The following AXIN2 variants were observed in gnomAD, a reference collection of about 807,000 sequenced individuals.
AXIN2 encodes axin 2, also known as axin-2.
In AXIN2, 21 loss-of-function variants were observed where a neutral mutation model predicts 74.7. The observed-to-expected ratio is 0.28, with a 90% CI of 0.20 to 0.40. AXIN2 has a LOEUF of 0.40. AXIN2 is among the 10% of genes least tolerant of loss of function. AXIN2 has a pLI of 1.00. For missense variants in AXIN2, 1,144 were observed against 1,111.1 expected, an observed-to-expected ratio of 1.03 and a Z score of -0.42; for synonymous variants, 532 against 454.9, an observed-to-expected ratio of 1.17 and a Z score of -2.16.
At chr17:65,545,456 G>A (rs1431153498) in intron 3 of AXIN2, among the ~76,000 whole-genome samples, 5 of 152,164 alleles carry the variant, frequency 3.3e-5, no homozygotes, top group South Asian at 4.1e-4. Flanking sequence ...TTAGGAGGCC[G>A]AGGTGGGTGG....
rs2043928974 is a variant in AXIN2 at position 65,536,814 on chromosome 17, T to C, written c.1907+55A>G. The C allele has an allele frequency of 5.6e-6, 9 of 1,608,012 alleles. No individual in the cohort carries two copies. In the South Asian group the frequency reaches 9.9e-5, roughly 18 times the overall value. ...CAAAAACAGCCATTCCCACAATACC[T>C]CCGTACTGAGTGCCCATGACCCTCG... On this transcript the variant is annotated intron_variant, in intron 7 of 10. Coordinates refer to ENST00000307078, the MANE Select transcript of AXIN2 (RefSeq NM_004655.4).
rs748049932 is a variant in AXIN2 at position 65,537,614 on chromosome 17, A to G, written c.1422T>C (p.His474=). 4.4e-6 allele frequency: 7 copies of G among 1,580,574 alleles called. No homozygotes were observed. The highest frequency in any genetic ancestry group is 5.2e-6 in the Non-Finnish European group (6 of 1,160,988). Residue 474 remains histidine, a synonymous_variant, in exon 6 of 11, where the codon CAT becomes CAC. Transcript: ENST00000307078. ...GCGGGAGCAGGGAGTGGTACTGCGA[A>G]TGGTGGTGGTGGTGGTGGTCCGGGG... ...SRSPDHHHHH[H]SQYHSLLPPG...
intron 3 of AXIN2, among the ~76,000 whole-genome samples, chr17:65,545,684 A>C (rs2044108557): frequency 6.6e-6 from 1 of 152,198 alleles, no homozygotes; most frequent in Non-Finnish European, 1.5e-5. Context: ...TCTTCCGAGA[A>C]TGCAGGTTTC....
rs1060502159 is a variant in AXIN2, at chr17:65,558,154, T to C, written c.467A>G (p.Tyr156Cys). Residue 156 changes from tyrosine to cysteine, a missense_variant, in exon 2 of 11, where the codon TAC (tyrosine) becomes TGC (cysteine). Around this residue, in one of 4 missense-constraint regions of AXIN2, gnomAD observed 1,053 missense variants for 973.5 expected, o/e 1.08. Coordinates refer to ENST00000307078, the MANE Select transcript of AXIN2 (RefSeq NM_004655.4). ...SKQLKPATKT[Y>C]IRDGIKKQQI... ...CTGCTTCTTGATGCCATCTCTTATG[T>C]AGGTCTTGGTGGCAGGCTTCAGCTG... 5.0e-6 allele frequency: 8 copies of C among 1,614,106 alleles called. No homozygotes were observed. The highest frequency in any genetic ancestry group is 6.8e-6 in the Non-Finnish European group (8 of 1,180,056).
At position 65,537,653 on chromosome 17, in the gene AXIN2, G is replaced by T. The variant is rs9914661; in HGVS notation, c.1383C>A (p.Ser461Arg). ...GCQSPGVGRY[S>R]PRSRSPDHHH... ...GGTGGTCCGGGGAGCGGGAGCGGGG[G>T]CTATAGCGGCCTACGCCTGGAGACT... Residue 461 changes from serine to arginine, a missense_variant, in exon 6 of 11, where the codon AGC (serine) becomes AGA (arginine). This residue lies in a region of AXIN2 where 1,053 missense variants were observed against 973.5 expected (regional missense o/e 1.08). Coordinates refer to ENST00000307078, the MANE Select transcript of AXIN2 (RefSeq NM_004655.4). 1.3e-6 allele frequency: 2 copies of T among 1,568,740 alleles called. No individual in the cohort carries two copies.
intron 1 of AXIN2, chr17:65,560,113 G>A (rs1274859651): frequency 6.6e-6 from 1 of 152,464 alleles, no homozygotes; most frequent in Middle Eastern, 3.2e-3. Flanking sequence ...GCCCGGGCGG[G>A]GGGTCGGTCC....
In AXIN2 at chr17:65,557,998, G is replaced by A. The variant is rs201531372; in HGVS notation, c.623C>T (p.Ala208Val). The change falls in exon 2 of 11, where the codon GCT (alanine) becomes GTT (valine). Residue 208 changes from alanine to valine, a missense_variant. This residue lies in a region of AXIN2 where 1,053 missense variants were observed against 973.5 expected (regional missense o/e 1.08). Coordinates refer to ENST00000307078, the MANE Select transcript of AXIN2 (RefSeq NM_004655.4). ...CCCGAGTCCCCCATTACTCATGTAAGCTGTGTTTTCTCCCCCACTCCTCAC... is the reference window on the plus strand; with the variant it reads ...CCCGAGTCCCCCATTACTCATGTAAACTGTGTTTTCTCCCCCACTCCTCAC... The part of the protein sequence containing the change: ...EYVRSGGENT[A>V]YMSNGGLGSL... 1.9e-4 allele frequency: 313 copies of A among 1,614,160 alleles called. 2 individuals are homozygous for A. The Middle Eastern group carries it at 3.6e-3, about 19-fold the overall frequency.
chr17:65,533,905 C>T lies in AXIN2; in HGVS notation c.2405+7G>A, dbSNP rs373593841. ...CTGAGAGCAGAAAAAAGCCACAGGACTCTTACCTATAATTTCCCTTTTTGC... is the reference window on the plus strand; with the variant it reads ...CTGAGAGCAGAAAAAAGCCACAGGATTCTTACCTATAATTTCCCTTTTTGC... On this transcript the variant is annotated splice_region_variant and intron_variant, in intron 10 of 10. Transcript: ENST00000307078. 24 of 1,612,206 alleles carry T rather than the reference C, an allele frequency of 1.5e-5. No individual in the cohort carries two copies. Among genetic ancestry groups the T allele is most frequent in the East Asian group, 6.7e-5 (3 of 44,838 alleles).
At chr17:65,532,435 G>A (rs557462915) in intron 10 of AXIN2, among the ~76,000 whole-genome samples, 110 of 152,292 alleles carry the variant, frequency 7.2e-4, no homozygotes, top group African/African-American at 2.6e-3. Context: ...AGCAGCAGCA[G>A]CAGCCAGGCC....
intron 2 of AXIN2, among the ~76,000 whole-genome samples, chr17:65,557,531 T>A (rs1002506273): frequency 8.5e-5 from 13 of 152,192 alleles, no homozygotes; most frequent in African/African-American, 1.2e-4. Context: ...CAACCTCTTC[T>A]GAGACACTAG....
In AXIN2 at chr17:65,529,041, A is replaced by G. The variant is rs2043773539; in HGVS notation, c.*935T>C. The G allele has an allele frequency of 8.4e-6, 2 of 237,456 alleles. No homozygotes were observed. Among genetic ancestry groups the G allele is most frequent in the East Asian group, 1.2e-4 (2 of 16,632 alleles). The allele number at this position is 237,456 out of a possible 1,614,324, so 14.7% of individuals were successfully genotyped here. A position where few individuals can be genotyped will look rare whatever the true frequency, so the allele number is the denominator to read the frequency against. ...TTCATTTCTTTGTGGGGCAGGGGGT[A>G]GTTCCTGAATGGCTGTGGTCCAATG... On this transcript the variant is annotated 3_prime_UTR_variant, in exon 11 of 11. Transcript: ENST00000307078.
chr17:65,543,038 G>A (rs1369189052), intron 3 of AXIN2, among the ~76,000 whole-genome samples: 1 of 152,122 alleles, frequency 6.6e-6, no homozygotes, highest in Non-Finnish European at 1.5e-5. Context: ...GGAACACAAG[G>A]GACAATGAAG....
intron 6 of AXIN2, 84 bp from the exon 7 acceptor site, chr17:65,537,147 G>A (rs1483742877): frequency 3.2e-6 from 5 of 1,560,408 alleles, no homozygotes; most frequent in East Asian, 2.3e-5. Flanking sequence ...CAGCAAGTCG[G>A]GGGGCTGGTG....
At chr17:65,555,739 T>A (rs2044257827) in intron 2 of AXIN2, among the ~76,000 whole-genome samples, 1 of 152,192 alleles carries the variant, frequency 6.6e-6, no homozygotes, top group South Asian at 2.1e-4. Flanking sequence ...CGGGCTGGAA[T>A]GCAAGCCTTT....
At position 65,554,068 on chromosome 17, in the gene AXIN2, A is replaced by ACCTTCAGGGAAAGGAGGTGC. The variant is rs571874877; in HGVS notation, c.815+3718_815+3737dup. ...CCTGCAGGTGGCAGAGACCCCCGGA[A>ACCTTCAGGGAAAGGAGGTGC]CCTTCAGGGAAAGGAGGTGCCGGCT... On this transcript the variant is annotated intron_variant, in intron 2 of 10. Transcript: ENST00000307078. 3.8e-3 allele frequency among the ~76,000 whole-genome samples: 575 copies of ACCTTCAGGGAAAGGAGGTGC among 152,194 alleles called. 4 individuals carry two copies. Among genetic ancestry groups the ACCTTCAGGGAAAGGAGGTGC allele is most frequent in the African/African-American group, 0.013 (539 of 41,542 alleles).
At chr17:65,546,936 G>C in intron 3 of AXIN2, among the ~76,000 whole-genome samples, 1 of 152,168 alleles carries the variant, frequency 6.6e-6, no homozygotes, top group East Asian at 1.9e-4. Context: ...CTACATGAGG[G>C]ACTTGACCTG....
rs370765600 is a variant in AXIN2, at chr17:65,558,072, C to T, written c.549G>A (p.Glu183=). ...QAQTEIQSVM[E]ENAYQMFLTS... is the part of the protein sequence containing the mutation. ...TCAAAAACATCTGGTAGGCATTTTC[C>T]TCCATCACCGACTGGATCTCGGTCT... The change falls in exon 2 of 11, where the codon GAG becomes GAA. Residue 183 remains glutamate (E), a synonymous_variant. Transcript: ENST00000307078. 284 of 1,614,042 alleles carry T rather than the reference C, an allele frequency of 1.8e-4. No individual in the cohort carries two copies. The highest frequency in any genetic ancestry group is 2.4e-4 in the Non-Finnish European group (279 of 1,180,046).
Position 65,536,183 on chromosome 17 carries a change from C to A in AXIN2, c.2141+137G>T. On this transcript the variant is annotated intron_variant, in intron 8 of 10. Coordinates refer to ENST00000307078, the MANE Select transcript of AXIN2 (RefSeq NM_004655.4). ...AGAAGCTGGAAAGCAGCAGCTTACT[C>A]ATCCATAAGTAATTCTTCTTCTCAT... 5.7e-6 allele frequency: 5 copies of A among 882,546 alleles called. 1 individual carries two copies. In the South Asian group the frequency reaches 7.4e-5, roughly 13 times the overall value. 54.7% of individuals were successfully genotyped at this position (882,546 alleles called of 1,614,324 possible).
chr17:65,534,784 G>A (rs1045402086), intron 9 of AXIN2, among the ~76,000 whole-genome samples: 1 of 152,188 alleles, frequency 6.6e-6, no homozygotes, highest in African/African-American at 2.4e-5. Context: ...CAAAAAAGGA[G>A]CTGGGTGTGG....
Sources: gnomAD v4.1 joint callset for allele counts (sites outside exome capture counted in the v4.1 genomes callset) on GRCh38, gnomAD v4.1.1 for gene constraint, gnomAD v4.1.1 regional missense constraint, MANE v1.5 for transcripts, NCBI Gene and HGNC (gene_info 2026-07-23, HGNC 2026-07-21) for gene names.